The following ATP8A2 variants were observed in gnomAD, a reference collection of about 807,000 sequenced individuals.
ATP8A2 encodes the protein ATPase phospholipid transporting 8A2, also known as phospholipid-transporting ATPase IB.
Under a neutral mutation model 165.6 loss-of-function variants are expected in ATP8A2, and 100 were observed. The ratio of observed to expected loss-of-function variants is 0.60; its 90% CI spans 0.51 to 0.71. The LOEUF is 0.71. Among genes scored for constraint, ATP8A2 ranks in the 30% least tolerant of loss-of-function variants. The pLI is 0.00. For missense variants in ATP8A2, 1,227 were observed against 1,479.5 expected, an observed-to-expected ratio of 0.83 and a Z score of 2.80; for synonymous variants, 543 against 548.8, an observed-to-expected ratio of 0.99 and a Z score of 0.15.
chr13:25,937,362 CTTT>C (rs1555293658), intron 33 of ATP8A2, among the ~76,000 whole-genome samples: 3 of 38,798 alleles, frequency 7.7e-5, no homozygotes, highest in Non-Finnish European at 1.6e-4. Context: ...TTCTTTCTTT[CTTT>C]TTTTTTTTTT....
Position 25,498,082 on chromosome 13 carries a change from T to A in ATP8A2, c.221+28961T>A, listed in dbSNP as rs190643556. 2.0e-5 allele frequency among the ~76,000 whole-genome samples: 3 copies of A among 152,308 alleles called. No individual in the cohort carries two copies. The East Asian group carries it at 5.8e-4, about 29-fold the overall frequency. ...TACCCATACATGTGGACACACGTGC[T>A]CCGGATATGAGTTGAAAATTTTGGG... On this transcript the variant is annotated intron_variant, in intron 2 of 36. Coordinates refer to ENST00000381655, the MANE Select transcript of ATP8A2 (RefSeq NM_016529.6).
chr13:25,972,981 A>G (rs777657336), intron 35 of ATP8A2, among the ~76,000 whole-genome samples: 3 of 152,206 alleles, frequency 2.0e-5, no homozygotes, highest in Non-Finnish European at 2.9e-5. Context: ...TGAGTTATGC[A>G]TAGCCTGAAT....
intron 1 of ATP8A2, among the ~76,000 whole-genome samples, chr13:25,435,918 T>TGTGTGTGAGTGAGTGA (rs199971520): frequency 7.9e-5 from 10 of 126,770 alleles, no homozygotes; most frequent in Non-Finnish European, 1.5e-4. Flanking sequence ...GCATCGTGTG[T>TGTGTGTGAGTGAGTGA]GTGTGTGTGT....
At chr13:25,385,884 G>A (rs2033022505) in intron 1 of ATP8A2, among the ~76,000 whole-genome samples, 1 of 151,190 alleles carries the variant, frequency 6.6e-6, no homozygotes, top group Non-Finnish European at 1.5e-5. Context: ...GTAGAGATGA[G>A]GTCTCCCTGT....
intron 33 of ATP8A2, among the ~76,000 whole-genome samples, chr13:25,894,711 G>T (rs1953479936): frequency 6.6e-6 from 1 of 152,048 alleles, no homozygotes; most frequent in Non-Finnish European, 1.5e-5. Context: ...TTATTTCCTT[G>T]AGCAGTGGTT....
At position 25,559,056 on chromosome 13, in the gene ATP8A2, C is replaced by T. The variant is rs767897097; in HGVS notation, c.1347C>T (p.Thr449=). 25 of 1,603,868 alleles carry T rather than the reference C, an allele frequency of 1.6e-5. No individual in the cohort carries two copies. The highest frequency in any genetic ancestry group is 5.0e-5 in the Admixed American group (3 of 59,424). The change falls in exon 14 of 37, where the codon ACC becomes ACT. Residue 449 remains threonine (T), a synonymous_variant. Transcript: ENST00000381655. The part of the protein sequence containing the change: ...NFKKCSIAGV[T]YGHFPELARE... ...AGAAGTGCAGCATTGCCGGAGTAAC[C>T]TATGGGTCAGTGTGTTTATCATTTA...
chr13:25,406,463 G>T (rs1051323625), intron 1 of ATP8A2, among the ~76,000 whole-genome samples: 3 of 152,222 alleles, frequency 2.0e-5, no homozygotes, highest in African/African-American at 7.2e-5. Flanking sequence ...AGCCAACATG[G>T]TAGGTTAGCT....
chr13:25,900,066 T>C (rs1333771461), intron 33 of ATP8A2, among the ~76,000 whole-genome samples: 1 of 152,060 alleles, frequency 6.6e-6, no homozygotes, highest in East Asian at 1.9e-4. Flanking sequence ...TTGGAAGAGC[T>C]TTATTTCTCA....
At chr13:25,476,131 A>G (rs2035987732) in intron 2 of ATP8A2, among the ~76,000 whole-genome samples, 1 of 152,208 alleles carries the variant, frequency 6.6e-6, no homozygotes, top group Non-Finnish European at 1.5e-5. Flanking sequence ...GAGATTATAT[A>G]TGTGGTACTA....
chr13:25,398,070 G>T (rs1321863316), intron 1 of ATP8A2, among the ~76,000 whole-genome samples: 1 of 152,180 alleles, frequency 6.6e-6, no homozygotes, highest in African/African-American at 2.4e-5. Flanking sequence ...AAAGGTGTCA[G>T]ACTCTTAGTT....
At chr13:25,891,477 C>G (rs902635478) in intron 33 of ATP8A2, among the ~76,000 whole-genome samples, 27 of 152,164 alleles carry the variant, frequency 1.8e-4, no homozygotes, top group Non-Finnish European at 3.5e-4. Context: ...CACCCACCAT[C>G]ATGCCCGCCT....
intron 2 of ATP8A2, chr13:25,517,078 G>A (rs940974518): frequency 1.1e-4 from 15 of 137,416 alleles, no homozygotes; most frequent in African/African-American, 4.2e-4. Flanking sequence ...ACCGTGCCTG[G>A]TCACATTTTT....
chr13:25,671,901 C>T (rs1185876179), intron 24 of ATP8A2, among the ~76,000 whole-genome samples: 1 of 152,186 alleles, frequency 6.6e-6, no homozygotes, highest in Admixed American at 6.5e-5. Flanking sequence ...TAAAAACTTG[C>T]CGGTTTTTGC....
chr13:25,605,362 G>C (rs1328447699), intron 24 of ATP8A2, among the ~76,000 whole-genome samples: 2 of 151,942 alleles, frequency 1.3e-5, no homozygotes, highest in African/African-American at 4.8e-5. Flanking sequence ...AGGTTTTCTG[G>C]CAATCTAATA....
intron 25 of ATP8A2, among the ~76,000 whole-genome samples, chr13:25,768,076 T>TGGGG (rs397942177): frequency 8.1e-5 from 4 of 49,376 alleles, no homozygotes; most frequent in East Asian, 1.2e-3. Flanking sequence ...TGTGGTGGCG[T>TGGGG]GGGGGGGGGG....
At chr13:25,548,139 T>A (rs867716992) in intron 10 of ATP8A2, among the ~76,000 whole-genome samples, 5 of 152,080 alleles carry the variant, frequency 3.3e-5, no homozygotes, top group African/African-American at 1.2e-4. Context: ...GGCAGAAGAA[T>A]CGCTTGAACC....
intron 35 of ATP8A2, among the ~76,000 whole-genome samples, chr13:25,970,412 A>T (rs1359470550): frequency 6.6e-6 from 1 of 152,242 alleles, no homozygotes; most frequent in Non-Finnish European, 1.5e-5. Context: ...TTGAATGGAC[A>T]GAACTGCTGA....
At chr13:25,768,089 GT>G (rs1392944097) in intron 25 of ATP8A2, among the ~76,000 whole-genome samples, 45 of 117,328 alleles carry the variant, frequency 3.8e-4, no homozygotes, top group African/African-American at 1.4e-3. Flanking sequence ...GGGGGGGGTG[GT>G]GGGGGGGCAA....
intron 27 of ATP8A2, among the ~76,000 whole-genome samples, chr13:25,826,262 G>T (rs1951310580): frequency 6.6e-6 from 1 of 152,152 alleles, no homozygotes; most frequent in African/African-American, 2.4e-5. Context: ...AAAGGAAAAA[G>T]AAATTAAGAG....
Sources: gnomAD v4.1 joint callset for allele counts (sites outside exome capture counted in the v4.1 genomes callset) on GRCh38, gnomAD v4.1.1 for gene constraint, MANE v1.5 for transcripts, NCBI Gene and HGNC (gene_info 2026-07-23, HGNC 2026-07-21) for gene names.